Variants in FER1L6 observed in about 807,000 individuals in gnomAD.
The protein encoded by FER1L6 is fer-1 like family member 6, also known as fer-1-like protein 6.
In FER1L6, 177 loss-of-function variants were observed where a neutral mutation model predicts 219.2. The ratio of observed to expected loss-of-function variants is 0.81; its 90% CI spans 0.71 to 0.91. The LOEUF (loss-of-function observed/expected upper bound fraction) is 0.91, where lower values mean the gene tolerates loss of function less well. Ranked by LOEUF, FER1L6 falls within the 40% of genes least tolerant of loss-of-function variation. The pLI is 0.00. For synonymous variants in FER1L6, 768 were observed against 824.3 expected (o/e 0.93, Z 1.17); for missense variants, 2,153 against 2,259.9 (o/e 0.95, Z 0.96).
intron 1 of FER1L6, among the ~76,000 whole-genome samples, chr8:123,935,752 T>C (rs1231828416): frequency 6.6e-6 from 1 of 152,122 alleles, no homozygotes; most frequent in African/African-American, 2.4e-5. Flanking sequence ...TAAATGATTT[T>C]ATCCAGTGAT....
At chr8:124,117,808 G>A (rs1443392029) in intron 39 of FER1L6, among the ~76,000 whole-genome samples, 1 of 152,110 alleles carries the variant, frequency 6.6e-6, no homozygotes, top group Non-Finnish European at 1.5e-5. Context: ...GGGTGAATGG[G>A]TAAGTTAACA....
intron 1 of FER1L6, among the ~76,000 whole-genome samples, chr8:123,947,292 A>G (rs1450006905): frequency 1.3e-5 from 2 of 152,090 alleles, no homozygotes; most frequent in African/African-American, 2.4e-5. Context: ...AGGAGGATGC[A>G]TTAGAAAAGG....
chr8:124,039,652 C>T (rs1246200008), intron 19 of FER1L6, among the ~76,000 whole-genome samples: 4 of 152,186 alleles, frequency 2.6e-5, no homozygotes, highest in African/African-American at 9.7e-5. Flanking sequence ...AGACACATAA[C>T]CTGGTGAAAG....
At chr8:123,977,207 T>C (rs372691590) in intron 9 of FER1L6, among the ~76,000 whole-genome samples, 3 of 152,366 alleles carry the variant, frequency 2.0e-5, no homozygotes, top group Admixed American at 1.3e-4. Flanking sequence ...AGGGCGGGGC[T>C]GTGATGTGAC....
chr8:123,926,412 G>A (rs1438902443), intron 1 of FER1L6, among the ~76,000 whole-genome samples: 3 of 152,188 alleles, frequency 2.0e-5, no homozygotes, highest in Non-Finnish European at 4.4e-5. Context: ...TCTGGCTCCC[G>A]TGCACAAGGA....
At chr8:124,035,514 T>G (rs985905103) in intron 19 of FER1L6, 60 bp downstream of exon 19, 3 of 1,524,454 alleles carry the variant, frequency 2.0e-6, no homozygotes, top group Admixed American at 4.2e-5. Context: ...TCTGAAAAGA[T>G]AATAAGGAGG....
intron 19 of FER1L6, 108 bp downstream of exon 19, chr8:124,035,562 C>A: frequency 2.8e-6 from 3 of 1,067,814 alleles, no homozygotes; most frequent in Non-Finnish European, 4.0e-6. Context: ...ATTTTAGGGC[C>A]AACTTATTGG....
chr8:124,001,608 C>G (rs1041106198), intron 12 of FER1L6, among the ~76,000 whole-genome samples: 9 of 152,108 alleles, frequency 5.9e-5, no homozygotes, highest in African/African-American at 2.2e-4. Context: ...TATTATGCCT[C>G]TCTCAGGTAT....
At chr8:123,885,755 C>T (rs755195415) in intron 1 of FER1L6, among the ~76,000 whole-genome samples, 25 of 152,194 alleles carry the variant, frequency 1.6e-4, no homozygotes, top group East Asian at 9.7e-4. Flanking sequence ...GGGCCAGGGG[C>T]GGGAGACCTG....
chr8:123,888,356 A>G (rs1817242890), intron 1 of FER1L6, among the ~76,000 whole-genome samples: 1 of 151,970 alleles, frequency 6.6e-6, no homozygotes, highest in African/African-American at 2.4e-5. Context: ...GCCTGTTGCA[A>G]TCCACCTGCC....
At chr8:123,967,431 T>C (rs547917213) in intron 5 of FER1L6, among the ~76,000 whole-genome samples, 3 of 152,346 alleles carry the variant, frequency 2.0e-5, no homozygotes, top group African/African-American at 7.2e-5. Context: ...TGCCATAATA[T>C]ACTAAACCAG....
At chr8:123,941,474 A>T (rs776125433) in intron 1 of FER1L6, among the ~76,000 whole-genome samples, 3 of 152,200 alleles carry the variant, frequency 2.0e-5, no homozygotes, top group Non-Finnish European at 4.4e-5. Flanking sequence ...TGGTGTGGCC[A>T]GAGCAAACCA....
At chr8:124,061,137 A>G (rs1456948504) in intron 24 of FER1L6, among the ~76,000 whole-genome samples, 2 of 152,214 alleles carry the variant, frequency 1.3e-5, no homozygotes, top group Non-Finnish European at 2.9e-5. Context: ...ATACTGTAAT[A>G]AGATTTATTT....
chr8:123,891,966 T>C (rs145980304), intron 1 of FER1L6, among the ~76,000 whole-genome samples: 221 of 152,300 alleles, frequency 1.5e-3, no homozygotes, highest in African/African-American at 5.1e-3. Context: ...ATTAAAACAT[T>C]AATATCAAAA....
At chr8:123,985,982 T>C (rs963220163) in intron 11 of FER1L6, 86 bp from the exon 12 acceptor site, 10 of 744,724 alleles carry the variant, frequency 1.3e-5, no homozygotes, top group South Asian at 1.3e-4. Context: ...TTATAAATTA[T>C]GCTGGATGAG....
At chr8:123,946,624 C>T (rs1180317597) in intron 1 of FER1L6, among the ~76,000 whole-genome samples, 1 of 152,170 alleles carries the variant, frequency 6.6e-6, no homozygotes, top group African/African-American at 2.4e-5. Flanking sequence ...TATTCAAACT[C>T]ATTAATATGT....
chr8:123,935,051 T>C (rs1050424625), intron 1 of FER1L6, among the ~76,000 whole-genome samples: 2 of 152,218 alleles, frequency 1.3e-5, no homozygotes, highest in African/African-American at 4.8e-5. Context: ...TAGTTCTTTA[T>C]AGAAAGGACT....
chr8:123,873,928 T>A (rs1159182693), intron 1 of FER1L6, among the ~76,000 whole-genome samples: 1 of 152,214 alleles, frequency 6.6e-6, no homozygotes, highest in East Asian at 1.9e-4. Context: ...AATACCTTGG[T>A]CTGATCGTCT....
chr8:124,111,875 C>T lies in FER1L6; in HGVS notation c.5290-6969C>T, dbSNP rs189415562. On this transcript the variant is annotated intron_variant, in intron 39 of 40. Transcript: ENST00000522917. The surrounding 1 kb of genome is among the most constrained non-coding windows in gnomAD (Gnocchi z 5.0). Reference sequence around the variant, plus strand: ...CTGTGACTTAGAATGCCTTAACCGTCGGGAATGCAGCCCAGTAGGTCTCAG... The same window carrying T: ...CTGTGACTTAGAATGCCTTAACCGTTGGGAATGCAGCCCAGTAGGTCTCAG... Among the ~76,000 whole-genome samples, 12 of 152,196 alleles carry T rather than the reference C, an allele frequency of 7.9e-5. No homozygotes were observed. The East Asian group carries it at 2.3e-3, about 29-fold the overall frequency.
Sources: gnomAD v4.1 joint callset for allele counts (sites outside exome capture counted in the v4.1 genomes callset) on GRCh38, gnomAD v4.1.1 for gene constraint, Gnocchi (gnomAD v3.1) non-coding constraint, MANE v1.5 for transcripts, NCBI Gene and HGNC (gene_info 2026-07-23, HGNC 2026-07-21) for gene names.